CDH23: variants seen among roughly 807,000 people sequenced by gnomAD.
CDH23 encodes the protein cadherin-23.
A neutral mutation model predicts 317.1 loss-of-function variants in CDH23; 189 were observed. The observed-to-expected ratio is 0.60, with a 90% CI of 0.53 to 0.67. The LOEUF is 0.67. CDH23 is among the 30% of genes least tolerant of loss of function. The pLI is 0.00. For missense variants in CDH23, 4,401 were observed against 4,592.4 expected (o/e 0.96, Z 1.20); for synonymous variants, 1,839 against 1,876.8 (o/e 0.98, Z 0.52).
intron 49 of CDH23, 91 bp downstream of exon 49, chr10:71,797,311 G>T: frequency 2.3e-6 from 2 of 876,430 alleles, no homozygotes; most frequent in Non-Finnish European, 1.8e-6. Context: ...TGTCCCCAGG[G>T]AGGGAGCAAC....
Position 71,625,034 on chromosome 10 carries a change from G to C in CDH23, c.1134+7641G>C, listed in dbSNP as rs529524309. Among the ~76,000 whole-genome samples the C allele has an allele frequency of 2.6e-5, 4 of 152,080 alleles. No homozygotes were observed. The East Asian group carries it at 7.8e-4, about 30-fold the overall frequency. On this transcript the variant is annotated intron_variant, in intron 11 of 69. Transcript: ENST00000224721. The stretch of plus-strand genomic sequence containing the variant: ...GCATTAGACAAGAGTGGGCACATCC[G>C]ACTACAGCTGTCCAATATGGGGAAA...
intron 11 of CDH23, among the ~76,000 whole-genome samples, chr10:71,637,259 G>A (rs1862320229): frequency 1.3e-5 from 2 of 152,128 alleles, no homozygotes; most frequent in South Asian, 2.1e-4. Flanking sequence ...CACGCCCAGG[G>A]TGGGACTGGT....
rs773842427 is a variant in CDH23 at position 71,741,739 on chromosome 10, C to G, written c.4663C>G (p.Arg1555Gly). 2 of 1,612,282 alleles carry G rather than the reference C, an allele frequency of 1.2e-6. No homozygotes were observed. The change falls in exon 38 of 70, where the codon CGT becomes GGT. Residue 1555 changes from arginine to glycine, a missense_variant. Physicochemically the swap from Arg to Gly is moderately radical, Grantham distance 125. Coordinates refer to ENST00000224721, the MANE Select transcript of CDH23 (RefSeq NM_022124.6). ...TAVVQVRATD[R>G]DIGINSVLSY... ...TGTGGTCCAGGTGAGAGCCACTGAC[C>G]GTGACATCGGGATCAACAGTGTTCT...
chr10:71,662,116 G>C (rs957698880), intron 14 of CDH23, among the ~76,000 whole-genome samples: 2 of 151,784 alleles, frequency 1.3e-5, no homozygotes. Context: ...CCGGCAGCCT[G>C]GGGCTGTAAA....
At chr10:71,456,823 G>A (rs1850720246) in intron 3 of CDH23, among the ~76,000 whole-genome samples, 1 of 152,222 alleles carries the variant, frequency 6.6e-6, no homozygotes, top group African/African-American at 2.4e-5. Context: ...GAGGAGCAGA[G>A]GCTCAGAGAG....
intron 14 of CDH23, among the ~76,000 whole-genome samples, chr10:71,652,667 G>C (rs1863233132): frequency 6.6e-6 from 1 of 152,190 alleles, no homozygotes. Context: ...CAAATGAAAT[G>C]ATTCATGAAG....
Position 71,730,486 on chromosome 10 carries a change from G to A in CDH23, c.3597G>A (p.Glu1199=), listed in dbSNP as rs1408214492. ...TCCCACAGGTGATTGTGTACGTGGA[G>A]GACATCAACGATGAGGCCCCCGTGT... ...RSSVRVIVYV[E]DINDEAPVFT... Residue 1199 remains glutamate (E), a synonymous_variant, in exon 31 of 70, where the codon GAG becomes GAA. Coordinates refer to ENST00000224721, the MANE Select transcript of CDH23 (RefSeq NM_022124.6). The A allele has an allele frequency of 6.2e-6, 10 of 1,613,820 alleles. No homozygotes were observed. The highest frequency in any genetic ancestry group is 1.3e-5 in the African/African-American group (1 of 75,040).
At position 71,759,805 on chromosome 10, in the gene CDH23, G is replaced by A. The variant is rs1214616554; in HGVS notation, c.4846-17875G>A. Reference sequence around the variant, plus strand: ...CCAGCCTGGGTAACAGAGTGAAACCGTGTTTCAGAAAATATACACACACAC... The same window carrying A: ...CCAGCCTGGGTAACAGAGTGAAACCATGTTTCAGAAAATATACACACACAC... On this transcript the variant is annotated intron_variant, in intron 38 of 69. Transcript: ENST00000224721. Among the ~76,000 whole-genome samples, 5 of 118,528 alleles carry A rather than the reference G, an allele frequency of 4.2e-5. No homozygotes were observed. In the Admixed American group the frequency reaches 4.3e-4, roughly 10 times the overall value. 77.8% of individuals were successfully genotyped at this position (118,528 alleles called of 152,430 possible). A position where few individuals can be genotyped will look rare whatever the true frequency, so the allele number is the denominator to read the frequency against.
chr10:71,456,458 A>T (rs541125409), intron 3 of CDH23, among the ~76,000 whole-genome samples: 10 of 142,658 alleles, frequency 7.0e-5, no homozygotes, highest in Admixed American at 5.4e-4. Context: ...GCCACTCCCA[A>T]GCGGTCCCTG....
intron 1 of CDH23, among the ~76,000 whole-genome samples, chr10:71,436,421 G>T (rs771493164): frequency 1.4e-4 from 21 of 152,206 alleles, no homozygotes; most frequent in Non-Finnish European, 2.4e-4. Flanking sequence ...TGTGTTTTTT[G>T]TGTGATGCAT....
intron 11 of CDH23, among the ~76,000 whole-genome samples, chr10:71,628,967 G>A (rs1589277103): frequency 6.6e-6 from 1 of 152,324 alleles, no homozygotes; most frequent in East Asian, 1.9e-4. Flanking sequence ...AATGTTTTAG[G>A]GAAGGTCACA....
In CDH23 at chr10:71,406,694, G is replaced by T. The variant is rs937793273; in HGVS notation, c.-6+9376G>T. ...AAAAAAAAATCTTTCTATTTGAGAT[G>T]TTAGCAACGAATTTAATATTTGAAA... is the stretch of plus-strand genomic sequence containing the variant. On this transcript the variant is annotated intron_variant, in intron 1 of 69. Coordinates refer to ENST00000224721, the MANE Select transcript of CDH23 (RefSeq NM_022124.6). Among the ~76,000 whole-genome samples, 3 of 152,254 alleles carry T rather than the reference G, an allele frequency of 2.0e-5. No homozygotes were observed. The East Asian group carries it at 5.8e-4, about 29-fold the overall frequency.
chr10:71,421,987 G>A (rs2131953387), intron 1 of CDH23, among the ~76,000 whole-genome samples: 1 of 152,322 alleles, frequency 6.6e-6, no homozygotes, highest in African/African-American at 2.4e-5. Context: ...GTCCTGAGTA[G>A]GTAGTGAGCT....
chr10:71,812,144 C>CACCCGCCCTT, intron 66 of CDH23, 129 bp downstream of exon 66: 7 of 1,594,202 alleles, frequency 4.4e-6, no homozygotes, highest in Non-Finnish European at 6.0e-6. Flanking sequence ...GGTGGGCGGG[C>CACCCGCCCTT]CACCCTCCCT....
At chr10:71,408,383 GAGAGAA>G (rs1848206290) in intron 1 of CDH23, among the ~76,000 whole-genome samples, 2 of 151,894 alleles carry the variant, frequency 1.3e-5, no homozygotes, top group African/African-American at 4.9e-5. Flanking sequence ...GAGAGAGAGA[GAGAGAA>G]AGAGAGAGAA....
intron 45 of CDH23, among the ~76,000 whole-genome samples, chr10:71,789,471 G>T (rs1841186428): frequency 6.6e-6 from 1 of 152,116 alleles, no homozygotes; most frequent in Admixed American, 6.5e-5. Context: ...GTAGGCCAGT[G>T]TAGCCCTCTC....
At chr10:71,412,500 G>T (rs945064307) in intron 1 of CDH23, among the ~76,000 whole-genome samples, 22 of 152,146 alleles carry the variant, frequency 1.4e-4, no homozygotes, top group Admixed American at 1.3e-4. Context: ...AGAGATGGTT[G>T]TCTTGCTGTG....
intron 4 of CDH23, 146 bp downstream of exon 4, chr10:71,510,370 C>A: frequency 1.1e-6 from 1 of 941,830 alleles, no homozygotes; most frequent in Non-Finnish European, 1.6e-6. Flanking sequence ...AATGGTATTC[C>A]TCTTCAAGGG....
intron 7 of CDH23, among the ~76,000 whole-genome samples, chr10:71,568,306 C>A (rs1282886310): frequency 6.6e-6 from 1 of 152,252 alleles, no homozygotes; most frequent in African/African-American, 2.4e-5. Flanking sequence ...CCTGCACCTT[C>A]CATGCAGCCT....
Sources: gnomAD v4.1 joint callset for allele counts (sites outside exome capture counted in the v4.1 genomes callset) on GRCh38, gnomAD v4.1.1 for gene constraint, MANE v1.5 for transcripts, NCBI Gene and HGNC (gene_info 2026-07-23, HGNC 2026-07-21) for gene names.